The following HMBOX1 variants were observed in gnomAD, a reference collection of about 807,000 sequenced individuals.
The protein encoded by HMBOX1 is homeobox-containing protein 1.
Under a neutral mutation model 54.5 loss-of-function variants are expected in HMBOX1, and 14 were observed. The observed-to-expected ratio is 0.26, with a 90% CI of 0.17 to 0.40. The LOEUF (loss-of-function observed/expected upper bound fraction) is 0.40. HMBOX1 is among the 10% of genes least tolerant of loss of function. The pLI, the probability that HMBOX1 is intolerant of heterozygous loss-of-function variation, is 1.00. For synonymous variants in HMBOX1, 160 were observed against 181.0 expected, an observed-to-expected ratio of 0.88 and a Z score of 0.93; for missense variants, 332 against 514.4, an observed-to-expected ratio of 0.65 and a Z score of 3.43.
intron 1 of HMBOX1, among the ~76,000 whole-genome samples, chr8:28,910,006 C>T (rs1214528087): frequency 6.6e-6 from 1 of 152,156 alleles, no homozygotes; most frequent in South Asian, 2.1e-4. Flanking sequence ...ACACTTTCAT[C>T]ACCTCCACAA....
chr8:29,044,196 A>G (rs1586674156), intron 6 of HMBOX1, among the ~76,000 whole-genome samples: 3 of 152,248 alleles, frequency 2.0e-5, no homozygotes, highest in African/African-American at 7.2e-5. Context: ...GCTATTCACA[A>G]TAGGATGGCA....
chr8:28,908,699 G>C (rs1406567377), intron 1 of HMBOX1, among the ~76,000 whole-genome samples: 1 of 152,196 alleles, frequency 6.6e-6, no homozygotes, highest in African/African-American at 2.4e-5. Flanking sequence ...AGGTTGCAGT[G>C]AGCCTACAGT....
chr8:29,049,323 G>A, intron 9 of HMBOX1: 1 of 1,535,556 alleles, frequency 6.5e-7, no homozygotes, highest in Non-Finnish European at 8.7e-7. Flanking sequence ...GGAGGAGGAG[G>A]AGGGAAGAAG....
At chr8:29,007,793 G>C (rs758977833) in intron 4 of HMBOX1, among the ~76,000 whole-genome samples, 2 of 152,190 alleles carry the variant, frequency 1.3e-5, no homozygotes, top group Non-Finnish European at 2.9e-5. Context: ...GGGAGACAGA[G>C]TGAGAACCTT....
intron 2 of HMBOX1, among the ~76,000 whole-genome samples, chr8:28,968,178 T>C (rs1826767846): frequency 1.3e-5 from 2 of 152,180 alleles, no homozygotes; most frequent in Admixed American, 6.5e-5. Flanking sequence ...TAGCTGTCCA[T>C]TTGGGATGAA....
chr8:28,952,158 TA>T lies in HMBOX1; in HGVS notation c.-57-11636del, dbSNP rs3053470. ...TGGGTGACAGAGTAAGACCCTATCT[TA>T]AAAAAAAAAAAAAAAAGAAAAAGAA... On this transcript the variant is annotated intron_variant, in intron 1 of 9. Transcript: ENST00000287701. Among the ~76,000 whole-genome samples, 908 of 127,760 alleles carry T rather than the reference TA, an allele frequency of 7.1e-3. 5 individuals are homozygous for T. Among genetic ancestry groups the T allele is most frequent in the African/African-American group, 0.019 (650 of 33,424 alleles). 83.8% of individuals were successfully genotyped at this position (127,760 alleles called of 152,430 possible).
At chr8:28,924,973 A>G (rs1044762484) in intron 1 of HMBOX1, among the ~76,000 whole-genome samples, 8 of 149,554 alleles carry the variant, frequency 5.3e-5, no homozygotes, top group African/African-American at 1.5e-4. Flanking sequence ...GTTATGAATT[A>G]CATATAAGAG....
intron 7 of HMBOX1, 70 bp downstream of exon 7, chr8:29,045,513 ACTTAAT>A (rs1805444063): frequency 1.6e-6 from 2 of 1,214,206 alleles, no homozygotes; most frequent in African/African-American, 1.5e-5. Context: ...CATCTAGGAC[ACTTAAT>A]CTTATGCGTG....
intron 1 of HMBOX1, among the ~76,000 whole-genome samples, chr8:28,925,539 G>A (rs1009842104): frequency 1.3e-5 from 2 of 152,082 alleles, no homozygotes; most frequent in Non-Finnish European, 2.9e-5. Flanking sequence ...GAGTTCTATA[G>A]TTGAAAATAA....
At chr8:28,935,265 C>T (rs1327659874) in intron 1 of HMBOX1, among the ~76,000 whole-genome samples, 1 of 152,060 alleles carries the variant, frequency 6.6e-6, no homozygotes, top group Middle Eastern at 3.2e-3. Flanking sequence ...ACTTGATAAG[C>T]TTAGTCTGTC....
At chr8:28,948,199 C>T (rs1822820455) in intron 1 of HMBOX1, among the ~76,000 whole-genome samples, 1 of 152,070 alleles carries the variant, frequency 6.6e-6, no homozygotes, top group Non-Finnish European at 1.5e-5. Context: ...ATCTTCTTTC[C>T]CCACTTTTTG....
intron 3 of HMBOX1, among the ~76,000 whole-genome samples, chr8:28,979,487 G>C (rs9657297): frequency 0.031 from 4,783 of 152,090 alleles, 237 homozygotes; most frequent in African/African-American, 0.11. Context: ...TATATTCAAC[G>C]GATCCCACTT....
chr8:29,018,800 G>A lies in HMBOX1; in HGVS notation c.738G>A (p.Glu246=), dbSNP rs1800727245. ...TGAGACCAGCCCCCATTCCAATAGA[G>A]GACCCTGAATGGAGACAAACGCCTC... The part of the protein sequence containing the change: ...LSMRPAPIPI[E]DPEWRQTPPP... Residue 246 remains glutamate, a synonymous_variant, in exon 6 of 10, where the codon GAG becomes GAA. Transcript: ENST00000287701. The A allele has an allele frequency of 6.2e-7, 1 of 1,614,142 alleles. No individual in the cohort carries two copies. The highest frequency in any genetic ancestry group is 1.3e-5 in the African/African-American group (1 of 75,044).
At chr8:28,958,959 A>T (rs1295673866) in intron 1 of HMBOX1, among the ~76,000 whole-genome samples, 1 of 152,182 alleles carries the variant, frequency 6.6e-6, no homozygotes, top group Non-Finnish European at 1.5e-5. Context: ...CGTAAATTAT[A>T]GTGGTATACA....
chr8:29,007,005 T>C (rs1412214499), intron 4 of HMBOX1, among the ~76,000 whole-genome samples: 1 of 152,154 alleles, frequency 6.6e-6, no homozygotes, highest in Non-Finnish European at 1.5e-5. Flanking sequence ...AAATGCAGTA[T>C]AGGCTGGGTG....
chr8:29,021,949 T>C (rs569316016), intron 6 of HMBOX1, among the ~76,000 whole-genome samples: 1 of 151,958 alleles, frequency 6.6e-6, no homozygotes, highest in South Asian at 2.1e-4. Context: ...ACTTATTACA[T>C]TGACAAAAAT....
chr8:29,036,194 TAG>T (rs1803833600), intron 6 of HMBOX1, among the ~76,000 whole-genome samples: 1 of 152,218 alleles, frequency 6.6e-6, no homozygotes, highest in Non-Finnish European at 1.5e-5. Flanking sequence ...CATTTAAACA[TAG>T]AGTCTTTGCA....
chr8:28,968,058 G>A (rs2132323183), intron 2 of HMBOX1, among the ~76,000 whole-genome samples: 1 of 152,306 alleles, frequency 6.6e-6, no homozygotes, highest in African/African-American at 2.4e-5. Flanking sequence ...CAGTGAAATG[G>A]AATAGACTAT....
intron 1 of HMBOX1, among the ~76,000 whole-genome samples, chr8:28,915,180 G>T (rs1464502038): frequency 2.0e-5 from 3 of 152,120 alleles, no homozygotes; most frequent in African/African-American, 7.2e-5. Flanking sequence ...GGAATATAAT[G>T]CCTATTACAT....
Sources: gnomAD v4.1 joint callset for allele counts (sites outside exome capture counted in the v4.1 genomes callset) on GRCh38, gnomAD v4.1.1 for gene constraint, MANE v1.5 for transcripts, NCBI Gene and HGNC (gene_info 2026-07-23, HGNC 2026-07-21) for gene names.